COPS4: variants seen among roughly 807,000 people sequenced by gnomAD.
COPS4 encodes the protein COP9 signalosome subunit 4.
In COPS4, 8 loss-of-function variants were observed where a neutral mutation model predicts 55.1. That is an observed-to-expected ratio of 0.15 (90% confidence interval 0.09 to 0.26). COPS4 has a LOEUF of 0.26. Ranked by LOEUF, COPS4 falls within the 10% of genes least tolerant of loss-of-function variation. The pLI, the probability that COPS4 is intolerant of heterozygous loss-of-function variation, is 1.00. For missense variants in COPS4, 248 were observed against 484.0 expected (o/e 0.51, Z 4.58); for synonymous variants, 185 against 165.7 (o/e 1.12, Z -0.90).
At chr4:83,069,430 A>G (rs557720283) in intron 9 of COPS4, among the ~76,000 whole-genome samples, 2 of 152,252 alleles carry the variant, frequency 1.3e-5, no homozygotes, top group South Asian at 4.1e-4. Context: ...TCCAGTTAGC[A>G]TAATCTTTTT....
chr4:83,060,679 C>T (rs1374137182), intron 6 of COPS4, among the ~76,000 whole-genome samples: 1 of 151,698 alleles, frequency 6.6e-6, no homozygotes, highest in African/African-American at 2.4e-5. Flanking sequence ...TTTTTGCATT[C>T]CATGACACGA....
chr4:83,066,898 C>T (rs1385408848), intron 8 of COPS4, among the ~76,000 whole-genome samples: 1 of 152,068 alleles, frequency 6.6e-6, no homozygotes, highest in African/African-American at 2.4e-5. Context: ...CAACAAAGTA[C>T]CAATGACATT....
intron 9 of COPS4, among the ~76,000 whole-genome samples, 190 bp downstream of exon 9, chr4:83,068,712 G>A (rs1295093074): frequency 3.9e-5 from 6 of 152,190 alleles, no homozygotes; most frequent in Non-Finnish European, 7.3e-5. Flanking sequence ...GCTCATGCCT[G>A]TAATCCCAGC....
chr4:83,047,437 C>G (rs879570209), intron 2 of COPS4, among the ~76,000 whole-genome samples: 2 of 1,410 alleles, frequency 1.4e-3, no homozygotes, highest in Non-Finnish European at 0.043. Flanking sequence ...TGCCTGTAGT[C>G]CCAGCTATTG....
intron 8 of COPS4, among the ~76,000 whole-genome samples, chr4:83,067,955 A>T (rs1436503471): frequency 6.6e-6 from 1 of 152,204 alleles, no homozygotes; most frequent in Non-Finnish European, 1.5e-5. Flanking sequence ...GTAAACATTA[A>T]GTATGTCTTC....
At chr4:83,061,844 G>A (rs540863965) in intron 6 of COPS4, among the ~76,000 whole-genome samples, 83 of 152,224 alleles carry the variant, frequency 5.5e-4, no homozygotes, top group Non-Finnish European at 9.6e-4. Flanking sequence ...GGCCAGTTAC[G>A]TCTTTTTGAC....
chr4:83,044,819 C>A (rs573227541), intron 1 of COPS4, among the ~76,000 whole-genome samples: 1 of 152,116 alleles, frequency 6.6e-6, no homozygotes, highest in Non-Finnish European at 1.5e-5. Context: ...GTATAACACT[C>A]ATATACTAAC....
chr4:83,057,991 A>T (rs768361828), intron 6 of COPS4, among the ~76,000 whole-genome samples: 20 of 151,470 alleles, frequency 1.3e-4, no homozygotes, highest in Admixed American at 2.0e-4. Context: ...AAAGAAGTGG[A>T]TATCAACTTG....
intron 2 of COPS4, among the ~76,000 whole-genome samples, chr4:83,048,588 T>A (rs1730778625): frequency 6.6e-6 from 1 of 152,164 alleles, no homozygotes; most frequent in Admixed American, 6.6e-5. Context: ...ATTATTTCTG[T>A]TTCTTAGAAA....
At chr4:83,043,766 A>T (rs747961369) in intron 1 of COPS4, among the ~76,000 whole-genome samples, 2 of 152,202 alleles carry the variant, frequency 1.3e-5, no homozygotes, top group Non-Finnish European at 2.9e-5. Flanking sequence ...GCCATAAAGT[A>T]ATTTATCTTT....
At chr4:83,041,209 C>A (rs1730559924) in intron 1 of COPS4, among the ~76,000 whole-genome samples, 1 of 151,480 alleles carries the variant, frequency 6.6e-6, no homozygotes, top group Admixed American at 6.6e-5. Context: ...ACTACAGGCA[C>A]ACGCCACCAC....
intron 9 of COPS4, among the ~76,000 whole-genome samples, chr4:83,068,969 C>CA (rs5859859): frequency 4.2e-4 from 55 of 129,416 alleles, no homozygotes; most frequent in African/African-American, 1.4e-3. Context: ...GACTCTGTCT[C>CA]AAAAAAAAAA....
chr4:83,060,988 C>G (rs11724503), intron 6 of COPS4, among the ~76,000 whole-genome samples: 26,755 of 150,364 alleles, frequency 0.18, 2,569 homozygotes, highest in South Asian at 0.3. Flanking sequence ...GAGCTGAGAT[C>G]GCGCCATTGC....
chr4:83,038,256 CACA>C (rs1393370618), intron 1 of COPS4, among the ~76,000 whole-genome samples: 11 of 152,208 alleles, frequency 7.2e-5, no homozygotes, highest in South Asian at 4.1e-4. Context: ...CTGTGCGAAG[CACA>C]ACATTACTTA....
rs182018044 is a variant in COPS4 at position 83,050,654 on chromosome 4, A to G, written c.410+670A>G. Reference sequence around the variant, plus strand: ...ACTCTTAGAGGAGATGGCTAGTGCAAAGGCCCTAAGATGGGAGCAAGCTTG... The same window carrying G: ...ACTCTTAGAGGAGATGGCTAGTGCAGAGGCCCTAAGATGGGAGCAAGCTTG... On this transcript the variant is annotated intron_variant, in intron 4 of 9. Transcript: ENST00000264389. Among the ~76,000 whole-genome samples the G allele has an allele frequency of 2.3e-3, 354 of 152,234 alleles. 2 individuals are homozygous for G. The highest frequency in any genetic ancestry group is 4.1e-3 in the Non-Finnish European group (281 of 68,014).
chr4:83,045,837 C>G (rs948870854), intron 2 of COPS4, 132 bp downstream of exon 2: 4 of 573,752 alleles, frequency 7.0e-6, no homozygotes, highest in Non-Finnish European at 1.2e-5. Context: ...AGAATTTAAA[C>G]TGTTTACAAC....
chr4:83,045,542 G>A (rs1730685721), intron 1 of COPS4, 84 bp from the exon 2 acceptor site: 4 of 1,066,556 alleles, frequency 3.8e-6, no homozygotes, highest in Non-Finnish European at 5.7e-6. Flanking sequence ...ACCAAGGTAT[G>A]TAGAAATGAA....
Position 83,054,339 on chromosome 4 carries a change from C to T in COPS4, c.411-2587C>T, listed in dbSNP as rs151056616. 4.7e-3 allele frequency among the ~76,000 whole-genome samples: 712 copies of T among 150,726 alleles called. 3 individuals carry two copies. Among genetic ancestry groups the T allele is most frequent in the Non-Finnish European group, 8.0e-3 (542 of 67,940 alleles). ...CCAGGGTGACAGAGCGAGACTCCATCTCAAAAACAAAACAAAACAAAACAA... is the reference window on the plus strand; with the variant it reads ...CCAGGGTGACAGAGCGAGACTCCATTTCAAAAACAAAACAAAACAAAACAA... On this transcript the variant is annotated intron_variant, in intron 4 of 9. Coordinates refer to ENST00000264389, the MANE Select transcript of COPS4 (RefSeq NM_016129.3).
At chr4:83,053,875 A>G (rs183601301) in intron 4 of COPS4, among the ~76,000 whole-genome samples, 1 of 149,318 alleles carries the variant, frequency 6.7e-6, no homozygotes, top group East Asian at 2.0e-4. Flanking sequence ...CTCTTACTCA[A>G]CCAATCTTAC....
Sources: allele counts gnomAD v4.1 joint callset (sites outside exome capture counted in the v4.1 genomes callset), GRCh38; gene constraint gnomAD v4.1.1; transcripts MANE v1.5; gene names NCBI Gene and HGNC (gene_info 2026-07-23, HGNC 2026-07-21).